WDR7: variants seen among roughly 807,000 people sequenced by gnomAD.
WDR7 encodes WD repeat-containing protein 7.
A neutral mutation model predicts 169.4 loss-of-function variants in WDR7; 46 were observed. The observed-to-expected ratio is 0.27, with a 90% CI of 0.21 to 0.35. The LOEUF (loss-of-function observed/expected upper bound fraction) is 0.35. WDR7 is among the 10% of genes least tolerant of loss of function. The pLI, the probability that WDR7 is intolerant of heterozygous loss-of-function variation, is 1.00. For missense variants in WDR7, 1,534 were observed against 1,859.3 expected (o/e 0.83, Z 3.22); for synonymous variants, 612 against 666.8 (o/e 0.92, Z 1.27).
At chr18:56,933,409 C>A (rs556072420) in intron 22 of WDR7, among the ~76,000 whole-genome samples, 1 of 152,290 alleles carries the variant, frequency 6.6e-6, no homozygotes, top group East Asian at 1.9e-4. Context: ...TGAGTTTGAT[C>A]TTTCTGATAA....
chr18:56,766,213 G>A (rs1211823452), intron 16 of WDR7, among the ~76,000 whole-genome samples: 1 of 151,908 alleles, frequency 6.6e-6, no homozygotes, highest in African/African-American at 2.4e-5. Flanking sequence ...TTTATCACTG[G>A]TTTTGAGCAG....
At chr18:56,739,762 G>C (rs1480781696) in intron 14 of WDR7, among the ~76,000 whole-genome samples, 1 of 151,860 alleles carries the variant, frequency 6.6e-6, no homozygotes, top group Middle Eastern at 3.2e-3. Context: ...TTTTTTTGGG[G>C]GGGGGAATAA....
chr18:56,834,823 G>T (rs2045371085), intron 20 of WDR7, among the ~76,000 whole-genome samples: 1 of 152,130 alleles, frequency 6.6e-6, no homozygotes, highest in African/African-American at 2.4e-5. Flanking sequence ...TAGAAGCAGG[G>T]CTTGATATTT....
chr18:56,787,961 G>A (rs1341039724), intron 19 of WDR7, among the ~76,000 whole-genome samples: 1 of 152,174 alleles, frequency 6.6e-6, no homozygotes, highest in Admixed American at 6.5e-5. Context: ...GATAAACATG[G>A]TATGAGTCTT....
intron 13 of WDR7, among the ~76,000 whole-genome samples, 156 bp downstream of exon 13, chr18:56,718,315 G>C (rs770510467): frequency 6.6e-6 from 1 of 152,022 alleles, no homozygotes; most frequent in African/African-American, 2.4e-5. Context: ...TTTTTGTTCT[G>C]CTATGCCAAA....
At chr18:56,824,162 C>T (rs576503205) in intron 20 of WDR7, among the ~76,000 whole-genome samples, 1 of 152,256 alleles carries the variant, frequency 6.6e-6, no homozygotes, top group Admixed American at 6.5e-5. Flanking sequence ...TTTGCATGTG[C>T]CCCTCCATCT....
At chr18:56,786,369 A>G (rs1265348168) in intron 19 of WDR7, among the ~76,000 whole-genome samples, 1 of 152,106 alleles carries the variant, frequency 6.6e-6, no homozygotes, top group East Asian at 1.9e-4. Flanking sequence ...AGTCTCTACT[A>G]AATACAAAAT....
Position 56,815,974 on chromosome 18 carries a change from T to C in WDR7, c.3191-57T>C, listed in dbSNP as rs891936902. On this transcript the variant is annotated intron_variant, in intron 19 of 27. Transcript: ENST00000254442. ...GTAAATTAAAAATCTTCAAACTTTC[T>C]GTTTGCTTTACTTTTCATTTTTTGA... 9 of 1,389,542 alleles carry C rather than the reference T, an allele frequency of 6.5e-6. No individual in the cohort carries two copies. In the East Asian group the frequency reaches 2.2e-4, roughly 34 times the overall value. 86.1% of individuals were successfully genotyped at this position (1,389,542 alleles called of 1,614,324 possible).
chr18:56,792,670 T>C (rs763873793), intron 19 of WDR7, among the ~76,000 whole-genome samples: 1 of 150,474 alleles, frequency 6.6e-6, no homozygotes, highest in Non-Finnish European at 1.5e-5. Context: ...CTTCATGCTG[T>C]TCTTTTGTCT....
chr18:56,826,106 A>G (rs2045198909), intron 20 of WDR7, among the ~76,000 whole-genome samples: 1 of 152,208 alleles, frequency 6.6e-6, no homozygotes, highest in African/African-American at 2.4e-5. Flanking sequence ...TGAGTGAATA[A>G]CCTTCAGGAT....
chr18:56,841,033 A>G (rs888795779), intron 20 of WDR7, among the ~76,000 whole-genome samples: 1 of 151,820 alleles, frequency 6.6e-6, no homozygotes, highest in Non-Finnish European at 1.5e-5. Flanking sequence ...TCTACTAAAA[A>G]TACAAAAAAA....
At chr18:56,808,197 A>G (rs146726455) in intron 19 of WDR7, among the ~76,000 whole-genome samples, 549 of 152,300 alleles carry the variant, frequency 3.6e-3, no homozygotes, top group Non-Finnish European at 5.5e-3. Context: ...CAGTCACTGC[A>G]GAGATCTGCT....
At chr18:56,992,805 C>A (rs2047837399) in intron 26 of WDR7, among the ~76,000 whole-genome samples, 2 of 152,186 alleles carry the variant, frequency 1.3e-5, no homozygotes, top group Non-Finnish European at 2.9e-5. Context: ...ACTAGAAGTT[C>A]AGGGATACGA....
chr18:56,800,800 A>C (rs1014473682), intron 19 of WDR7, among the ~76,000 whole-genome samples: 38 of 152,294 alleles, frequency 2.5e-4, no homozygotes, highest in African/African-American at 8.7e-4. Context: ...ACTTTCTGGC[A>C]CAGGCTCCCT....
At chr18:57,006,623 A>T (rs1484008652) in intron 26 of WDR7, among the ~76,000 whole-genome samples, 1 of 152,204 alleles carries the variant, frequency 6.6e-6, no homozygotes, top group Non-Finnish European at 1.5e-5. Context: ...TAGTGATAGG[A>T]TATTCACTTT....
chr18:56,843,850 T>A (rs1455268089), intron 20 of WDR7, among the ~76,000 whole-genome samples: 2 of 144,450 alleles, frequency 1.4e-5, no homozygotes, highest in Non-Finnish European at 3.0e-5. Context: ...TATTTTCTTT[T>A]TTCTTTCTTT....
chr18:56,675,780 C>G (rs978975333), intron 2 of WDR7, among the ~76,000 whole-genome samples: 8 of 151,938 alleles, frequency 5.3e-5, no homozygotes. Flanking sequence ...TATTTTCGTT[C>G]CTAATCTTTA....
intron 7 of WDR7, among the ~76,000 whole-genome samples, chr18:56,688,442 G>A (rs2144603937): frequency 6.6e-6 from 1 of 152,162 alleles, no homozygotes; most frequent in East Asian, 1.9e-4. Flanking sequence ...AACAATCTGG[G>A]CATGGTGGCT....
chr18:56,790,099 T>A (rs2044460748), intron 19 of WDR7, among the ~76,000 whole-genome samples: 1 of 152,222 alleles, frequency 6.6e-6, no homozygotes, highest in Admixed American at 6.5e-5. Context: ...GGAAATAAAG[T>A]ACTTTACAAA....
Sources: allele counts gnomAD v4.1 joint callset (sites outside exome capture counted in the v4.1 genomes callset), GRCh38; gene constraint gnomAD v4.1.1; transcripts MANE v1.5; gene names NCBI Gene and HGNC (gene_info 2026-07-23, HGNC 2026-07-21).